The following CTNNAL1 variants were observed in gnomAD, a reference collection of about 807,000 sequenced individuals.
CTNNAL1 encodes the protein alpha-catulin.
In CTNNAL1, 69 loss-of-function variants were observed where a neutral mutation model predicts 93.6. The ratio of observed to expected loss-of-function variants is 0.74; its 90% CI spans 0.61 to 0.90. The LOEUF (loss-of-function observed/expected upper bound fraction) is 0.90. CTNNAL1 is among the 40% of genes least tolerant of loss of function. The pLI, the probability that CTNNAL1 is intolerant of heterozygous loss-of-function variation, is 0.00. For synonymous variants in CTNNAL1, 286 were observed against 305.4 expected (o/e 0.94, Z 0.66); for missense variants, 836 against 862.0 (o/e 0.97, Z 0.38).
At chr9:108,981,114 C>T (rs565072039) in intron 6 of CTNNAL1, among the ~76,000 whole-genome samples, 32 of 152,384 alleles carry the variant, frequency 2.1e-4, no homozygotes, top group African/African-American at 6.7e-4. Context: ...GCAGCAGCCA[C>T]AGGCAGAGCA....
intron 4 of CTNNAL1, among the ~76,000 whole-genome samples, chr9:108,990,036 G>A (rs1166254147): frequency 6.6e-6 from 1 of 152,102 alleles, no homozygotes; most frequent in Non-Finnish European, 1.5e-5. Flanking sequence ...GGGTGACAGA[G>A]AGAGACTCCA....
Position 108,952,211 on chromosome 9 carries a change from A to G in CTNNAL1, c.1833T>C (p.Thr611=). 1 of 1,603,920 alleles carries G rather than the reference A, an allele frequency of 6.2e-7. No individual in the cohort carries two copies. The highest frequency in any genetic ancestry group is 8.5e-7 in the Non-Finnish European group (1 of 1,174,738). ...SSMAYSLYLF[T]RGEGPLKTSQ... is the part of the protein sequence containing the mutation. ...AATAAAAATACAACTACATTTACCT[A>G]GTAAATAAATACAGAGAATAGGCCA... Residue 611 remains threonine (T), a splice_region_variant and synonymous_variant, in exon 14 of 19, where the codon ACT becomes ACC. Coordinates refer to ENST00000325551, the MANE Select transcript of CTNNAL1 (RefSeq NM_003798.4).
At chr9:108,985,182 C>T (rs778708707) in intron 4 of CTNNAL1, among the ~76,000 whole-genome samples, 1 of 152,098 alleles carries the variant, frequency 6.6e-6, no homozygotes, top group Non-Finnish European at 1.5e-5. Context: ...CAGAGGTGGG[C>T]AATACTTTCA....
intron 11 of CTNNAL1, among the ~76,000 whole-genome samples, chr9:108,964,004 T>C (rs577827892): frequency 1.1e-4 from 16 of 152,284 alleles, no homozygotes; most frequent in Admixed American, 8.5e-4. Flanking sequence ...AGGTATCTTA[T>C]CACAACAGCA....
chr9:108,962,473 G>A (rs1830842754), intron 11 of CTNNAL1, among the ~76,000 whole-genome samples: 1 of 152,164 alleles, frequency 6.6e-6, no homozygotes, highest in African/African-American at 2.4e-5. Flanking sequence ...TGCATTAGAT[G>A]TCCGGTGAGA....
chr9:108,978,154 T>C (rs939549310), intron 7 of CTNNAL1, among the ~76,000 whole-genome samples: 5 of 152,244 alleles, frequency 3.3e-5, no homozygotes, highest in African/African-American at 1.2e-4. Context: ...CTCTTTATAG[T>C]GAGTGTTGGA....
intron 11 of CTNNAL1, among the ~76,000 whole-genome samples, chr9:108,964,020 C>T (rs1422405240): frequency 1.3e-5 from 2 of 152,212 alleles, no homozygotes; most frequent in South Asian, 2.1e-4. Context: ...CAGCAAGCCA[C>T]TTCTCTTCAT....
At chr9:108,950,502 T>C in intron 14 of CTNNAL1, 1 of 1,548,112 alleles carries the variant, frequency 6.5e-7, no homozygotes, top group Non-Finnish European at 8.7e-7. Flanking sequence ...GCCTTCTTTT[T>C]CCAGAGAATT....
intron 1 of CTNNAL1, among the ~76,000 whole-genome samples, chr9:109,009,419 A>G (rs1248814942): frequency 1.3e-5 from 2 of 152,000 alleles, no homozygotes; most frequent in Non-Finnish European, 2.9e-5. Context: ...ATTTCTATTT[A>G]GATATCCAAT....
Position 108,979,309 on chromosome 9 carries a change from T to C in CTNNAL1, c.1073A>G (p.Gln358Arg). Residue 358 changes from glutamine (Q) to arginine (R), a missense_variant, in exon 7 of 19, where the codon CAG becomes CGG. Physicochemically the swap from Gln to Arg is conservative, Grantham distance 43. Transcript: ENST00000325551. ...ELSTQARMELQQLISVWIQAQ... is the reference protein window; with the variant it reads ...ELSTQARMELRQLISVWIQAQ... ...TTGAATCCACACAGAAATTAACTGC[T>C]GCAGTTCCATTCTCGCCTGAGTTGA... The C allele has an allele frequency of 1.2e-6, 2 of 1,614,190 alleles. No individual in the cohort carries two copies. Among genetic ancestry groups the C allele is most frequent in the Non-Finnish European group, 1.7e-6 (2 of 1,180,010 alleles).
chr9:108,990,108 A>G (rs1327402885), intron 4 of CTNNAL1, among the ~76,000 whole-genome samples: 1 of 152,176 alleles, frequency 6.6e-6, no homozygotes, highest in Admixed American at 6.6e-5. Flanking sequence ...TTTGAGAACT[A>G]CAGACTTTAG....
chr9:108,998,953 G>T, intron 2 of CTNNAL1, 114 bp downstream of exon 2: 2 of 1,238,738 alleles, frequency 1.6e-6, no homozygotes, highest in Non-Finnish European at 2.2e-6. Context: ...TAATGTCTGA[G>T]GCAGACATAA....
At chr9:108,957,260 C>G (rs946413449) in intron 11 of CTNNAL1, among the ~76,000 whole-genome samples, 2 of 151,590 alleles carry the variant, frequency 1.3e-5, no homozygotes, top group African/African-American at 4.8e-5. Flanking sequence ...TAGCTGGGAC[C>G]ACAGGCATGT....
Position 108,979,276 on chromosome 9 carries a change from C to A in CTNNAL1, c.1101+5G>T. On this transcript the variant is annotated splice_donor_5th_base_variant and intron_variant, in intron 7 of 18. Coordinates refer to ENST00000325551, the MANE Select transcript of CTNNAL1 (RefSeq NM_003798.4). ...ATTTACTTTGATTTTAAAAAAAGTT[C>A]TTACAGCTTGAATCCACACAGAAAT... 1.9e-6 allele frequency: 3 copies of A among 1,613,764 alleles called. No individual in the cohort carries two copies. Among genetic ancestry groups the A allele is most frequent in the Non-Finnish European group, 2.5e-6 (3 of 1,179,934 alleles).
chr9:108,979,489 C>T lies in CTNNAL1; in HGVS notation c.901-8G>A. 1 of 1,612,548 alleles carries T rather than the reference C, an allele frequency of 6.2e-7. No homozygotes were observed. The highest frequency in any genetic ancestry group is 8.5e-7 in the Non-Finnish European group (1 of 1,179,312). On this transcript the variant is annotated splice_region_variant and splice_polypyrimidine_tract_variant and intron_variant, in intron 6 of 18. Transcript: ENST00000325551. The stretch of plus-strand genomic sequence containing the variant: ...AAGAGCTTCAATATTCATCTGAGAA[C>T]AAAAAGGACATCTATCCATCCATGT...
Position 108,983,162 on chromosome 9 carries a change from C to A in CTNNAL1, c.883G>T (p.Gly295Ter). The change falls in exon 6 of 19, where the codon GGA becomes TGA. Residue 295 changes from glycine (G) to a stop codon, truncating the protein, a stop_gained. Coordinates refer to ENST00000325551, the MANE Select transcript of CTNNAL1 (RefSeq NM_003798.4). LOFTEE classifies it high-confidence loss of function. Reference protein sequence around the residue: ...TDISSISIFTGIKEFKMNIEA... With the variant: ...TDISSISIFT ...ATTCTTACCTTGAATTCCTTAATTC[C>A]AGTAAAAATACTGATAGATGAAATG... 6.5e-7 allele frequency: 1 copy of A among 1,535,188 alleles called. No homozygotes were observed. The highest frequency in any genetic ancestry group is 1.7e-4 in the Middle Eastern group (1 of 5,774).
chr9:108,966,961 A>G (rs1052255517), intron 10 of CTNNAL1, among the ~76,000 whole-genome samples: 1 of 152,170 alleles, frequency 6.6e-6, no homozygotes, highest in African/African-American at 2.4e-5. Flanking sequence ...TAAAACACAC[A>G]CACACAAAGA....
intron 11 of CTNNAL1, among the ~76,000 whole-genome samples, chr9:108,963,214 G>T (rs1474168935): frequency 2.6e-5 from 4 of 152,160 alleles, no homozygotes; most frequent in Non-Finnish European, 5.9e-5. Flanking sequence ...GGGGGGAAAA[G>T]CCTGTTATAA....
intron 11 of CTNNAL1, among the ~76,000 whole-genome samples, chr9:108,960,685 TA>T (rs1415059684): frequency 6.6e-6 from 1 of 152,190 alleles, no homozygotes; most frequent in Non-Finnish European, 1.5e-5. Context: ...TCAGCTTCCT[TA>T]AAGGAAGGAT....
Sources: allele counts gnomAD v4.1 joint callset (sites outside exome capture counted in the v4.1 genomes callset), GRCh38; gene constraint gnomAD v4.1.1; transcripts MANE v1.5; gene names NCBI Gene and HGNC (gene_info 2026-07-23, HGNC 2026-07-21).